UCP2: variants seen among roughly 807,000 people sequenced by gnomAD.
UCP2 encodes uncoupling protein 2.
Under a neutral mutation model 31.3 loss-of-function variants are expected in UCP2, and 27 were observed. That is an observed-to-expected ratio of 0.86 (90% confidence interval 0.64 to 1.19). The LOEUF (loss-of-function observed/expected upper bound fraction) is 1.19, where lower values mean the gene tolerates loss of function less well. UCP2 is among the 50% of genes most tolerant of loss of function. The probability of loss-of-function intolerance (pLI) is 0.00; values close to 1 mark genes in which losing one functional copy is unlikely to be tolerated. For missense variants in UCP2, 377 were observed against 413.5 expected (o/e 0.91, Z 0.76); for synonymous variants, 142 against 157.4 (o/e 0.90, Z 0.73).
intron 2 of UCP2, 61 bp from the exon 3 acceptor site, chr11:73,978,538 A>T (rs1951401123): frequency 9.5e-7 from 1 of 1,055,056 alleles, no homozygotes; most frequent in Non-Finnish European, 1.4e-6. Context: ...CCTGCTCACC[A>T]TCCCCAAACT....
chr11:73,974,758 G>A lies in UCP2; in HGVS notation c.*249C>T. On this transcript the variant is annotated 3_prime_UTR_variant, in exon 8 of 8. Transcript: ENST00000663595. ...AAGATTCTGGCTGAACTTTCCAAGG[G>A]ACGGGACGCTTGGGATCCTGGCTGG... 2 of 379,554 alleles carry A rather than the reference G, an allele frequency of 5.3e-6. No individual in the cohort carries two copies. Among genetic ancestry groups the A allele is most frequent in the South Asian group, 5.5e-5 (2 of 36,352 alleles). The allele number at this position is 379,554 out of a possible 1,614,324, so 23.5% of individuals were successfully genotyped here.
rs1480789794 is a variant in UCP2 at position 73,974,757 on chromosome 11, G to A, written c.*250C>T. 3.7e-6 allele frequency: 2 copies of A among 537,444 alleles called. No individual in the cohort carries two copies. Among genetic ancestry groups the A allele is most frequent in the Non-Finnish European group, 6.7e-6 (2 of 297,846 alleles). The allele number at this position is 537,444 out of a possible 1,614,324, so 33.3% of individuals were successfully genotyped here. A position where few individuals can be genotyped will look rare whatever the true frequency, so the allele number is the denominator to read the frequency against. The stretch of plus-strand genomic sequence containing the variant: ...GAAGATTCTGGCTGAACTTTCCAAG[G>A]GACGGGACGCTTGGGATCCTGGCTG... On this transcript the variant is annotated 3_prime_UTR_variant, in exon 8 of 8. Transcript: ENST00000663595.
chr11:73,976,890 T>G lies in UCP2; in HGVS notation c.465A>C (p.Arg155Ser). 6.2e-7 allele frequency: 1 copy of G among 1,614,146 alleles called. No homozygotes were observed. Among genetic ancestry groups the G allele is most frequent in the Non-Finnish European group, 8.5e-7 (1 of 1,179,994 alleles). Residue 155 changes from arginine (R) to serine (S), a missense_variant, in exon 5 of 8, where the codon AGA becomes AGC. Arg to Ser is a moderately radical substitution (Grantham distance 110). Coordinates refer to ENST00000663595, the MANE Select transcript of UCP2 (RefSeq NM_003355.3). ...QAQARAGGGR[R>S]YQSTVNAYKT... is the part of the protein sequence containing the mutation. ...TGTAGGCATTGACGGTGCTTTGGTATCTCCGACCACCTCCAGCCCGGGCCT... is the reference window on the plus strand; with the variant it reads ...TGTAGGCATTGACGGTGCTTTGGTAGCTCCGACCACCTCCAGCCCGGGCCT...
At position 73,981,516 on chromosome 11, in the gene UCP2, G is replaced by A. The variant is rs1357944392; in HGVS notation, c.-140C>T. On this transcript the variant is annotated 5_prime_UTR_variant, in exon 2 of 8. Transcript: ENST00000663595. ...CTCACGGTGAGGCCTCCAAGATCAAGCTTCTCTAAAGGTGTCCCGTTCTTC... is the reference window on the plus strand; with the variant it reads ...CTCACGGTGAGGCCTCCAAGATCAAACTTCTCTAAAGGTGTCCCGTTCTTC... The A allele has an allele frequency of 6.6e-6, 1 of 152,242 alleles. No individual in the cohort carries two copies. Among genetic ancestry groups the A allele is most frequent in the Non-Finnish European group, 1.5e-5 (1 of 68,062 alleles). 9.4% of individuals were successfully genotyped at this position (152,242 alleles called of 1,614,324 possible).
rs752912178 is a variant in UCP2 at position 73,976,740 on chromosome 11, T to C, written c.535A>G (p.Thr179Ala). The C allele has an allele frequency of 6.2e-6, 10 of 1,613,728 alleles. No homozygotes were observed. Among genetic ancestry groups the C allele is most frequent in the Non-Finnish European group, 7.6e-6 (9 of 1,179,948 alleles). ...EEGFRGLWKG[T>A]SPNVARNAIV... ...GCATTACGAGCAACATTGGGAGAGG[T>C]CCCTGTAGGAGGAGGAAGATCCTGG... The change falls in exon 6 of 8, where the codon ACC (threonine) becomes GCC (alanine). Residue 179 changes from threonine (T) to alanine (A), a missense_variant and splice_region_variant. Physicochemically the swap from Thr to Ala is moderately conservative, Grantham distance 58 (BLOSUM62 0). Coordinates refer to ENST00000663595, the MANE Select transcript of UCP2 (RefSeq NM_003355.3).
chr11:73,978,219 A>C, intron 3 of UCP2, 34 bp downstream of exon 3: 1 of 1,614,108 alleles, frequency 6.2e-7, no homozygotes, highest in Non-Finnish European at 8.5e-7. Context: ...AACAGAGTAG[A>C]CACCATCAAG....
rs367560065 is a variant in UCP2, at chr11:73,976,722, G to A, written c.553C>T (p.Arg185Cys). Residue 185 changes from arginine to cysteine, a missense_variant, in exon 6 of 8, where the codon CGT becomes TGT. Arg to Cys is a radical substitution (Grantham distance 180, BLOSUM62 -3). Transcript: ENST00000663595. ...TCAGCACAGTTGACAATGGCATTAC[G>A]AGCAACATTGGGAGAGGTCCCTGTA... ...LWKGTSPNVA[R>C]NAIVNCAELV... is the part of the protein sequence containing the mutation. 6 of 1,614,060 alleles carry A rather than the reference G, an allele frequency of 3.7e-6. No homozygotes were observed. Among genetic ancestry groups the A allele is most frequent in the South Asian group, 3.3e-5 (3 of 91,082 alleles).
In UCP2 at chr11:73,975,094, A is replaced by G. The variant is rs771113973; in HGVS notation, c.843T>C (p.Gly281=). The G allele has an allele frequency of 5.6e-6, 9 of 1,613,366 alleles. No homozygotes were observed. In the South Asian group the frequency reaches 9.9e-5, roughly 18 times the overall value. The change falls in exon 8 of 8, where the codon GGT becomes GGC. Residue 281 remains glycine (G), a synonymous_variant. Transcript: ENST00000663595. ...KGFMPSFLRL[G]SWNVVMFVTY... is the part of the protein sequence containing the mutation. ...TGACGAACATCACCACGTTCCAGGAACCCAAGCGGAGAAAGGAGGGCATGA... is the reference window on the plus strand; with the variant it reads ...TGACGAACATCACCACGTTCCAGGAGCCCAAGCGGAGAAAGGAGGGCATGA...
rs1019276574 is a variant in UCP2, at chr11:73,982,763, T to C, written c.-299A>G. The C allele has an allele frequency of 2.0e-5, 3 of 152,678 alleles. No homozygotes were observed. Among genetic ancestry groups the C allele is most frequent in the African/African-American group, 7.2e-5 (3 of 41,448 alleles). 9.5% of individuals were successfully genotyped at this position (152,678 alleles called of 1,614,324 possible). On this transcript the variant is annotated 5_prime_UTR_variant, in exon 1 of 8. Coordinates refer to ENST00000663595, the MANE Select transcript of UCP2 (RefSeq NM_003355.3). ...ACGGCAGTGCGTGCGGCTGTGTCTG[T>C]CGGCTGGCGGAGGGCGCGTCGGACG...
chr11:73,975,115 C>T lies in UCP2; in HGVS notation c.822G>A (p.Met274Ile), dbSNP rs1951320429. 2 of 1,611,896 alleles carry T rather than the reference C, an allele frequency of 1.2e-6. No homozygotes were observed. The highest frequency in any genetic ancestry group is 1.3e-5 in the African/African-American group (1 of 74,782). ...AGGAACCCAAGCGGAGAAAGGAGGG[C>T]ATGAACCTAGAGGAGAAAAATCACA... is the stretch of plus-strand genomic sequence containing the variant. ...EGPRAFYKGFMPSFLRLGSWN... is the reference protein window; with the variant it reads ...EGPRAFYKGFIPSFLRLGSWN... The change falls in exon 8 of 8, where the codon ATG (methionine) becomes ATA (isoleucine). Residue 274 changes from methionine to isoleucine, a missense_variant. Physicochemically the swap from Met to Ile is conservative, Grantham distance 10. Coordinates refer to ENST00000663595, the MANE Select transcript of UCP2 (RefSeq NM_003355.3).
At chr11:73,978,141 C>T (rs1393406393) in intron 3 of UCP2, 45 bp from the exon 4 acceptor site, 17 of 1,613,978 alleles carry the variant, frequency 1.1e-5, no homozygotes, top group Non-Finnish European at 1.4e-5. Context: ...GCATGTTGCC[C>T]TTCCCACCTC....
At chr11:73,975,344 G>C in intron 7 of UCP2, 147 bp downstream of exon 7, 1 of 1,040,994 alleles carries the variant, frequency 9.6e-7, no homozygotes, top group Non-Finnish European at 1.4e-6. Flanking sequence ...GGAATTAAGG[G>C]GATAGGTGAA....
chr11:73,982,457 C>A (rs986431079), intron 1 of UCP2, among the ~76,000 whole-genome samples: 1 of 152,114 alleles, frequency 6.6e-6, no homozygotes, highest in Non-Finnish European at 1.5e-5. Flanking sequence ...TGGTGGCGGG[C>A]GCCTGTAATC....
intron 6 of UCP2, 44 bp from the exon 7 acceptor site, chr11:73,975,715 C>G (rs1283870979): frequency 6.2e-7 from 1 of 1,610,294 alleles, no homozygotes; most frequent in Non-Finnish European, 8.5e-7. Context: ...CTTCACCCAT[C>G]ATTCCAGAAG....
At position 73,974,897 on chromosome 11, in the gene UCP2, GA is replaced by G; in HGVS notation, c.*109del. ...TAAAGGAGCGGAAGGAAGAGGTGGG[GA>G]AAGAGGGAAGGAGAGAAGGGAAGGA... is the stretch of plus-strand genomic sequence containing the variant. On this transcript the variant is annotated 3_prime_UTR_variant, in exon 8 of 8. Coordinates refer to ENST00000663595, the MANE Select transcript of UCP2 (RefSeq NM_003355.3). 1 of 940,772 alleles carries G rather than the reference GA, an allele frequency of 1.1e-6. No homozygotes were observed. The highest frequency in any genetic ancestry group is 2.0e-5 in the Admixed American group (1 of 50,098). The allele number at this position is 940,772 out of a possible 1,614,324, so 58.3% of individuals were successfully genotyped here. A position where few individuals can be genotyped will look rare whatever the true frequency, so the allele number is the denominator to read the frequency against.
upstream of UCP2, chr11:73,983,032 C>T (rs1951488038): frequency 6.6e-6 from 1 of 152,570 alleles, no homozygotes; most frequent in African/African-American, 2.4e-5. Flanking sequence ...CCGTGCGTCC[C>T]ATCACCGCGT....
chr11:73,979,554 G>A (rs2471904), intron 2 of UCP2, among the ~76,000 whole-genome samples: 9,288 of 151,904 alleles, frequency 0.061, 354 homozygotes, highest in African/African-American at 0.099. Context: ...TCAAAAAACA[G>A]ACAAACAAAC....
rs763526114 is a variant in UCP2 at position 73,976,714 on chromosome 11, G to A, written c.561C>T (p.Ala187=). ...KGTSPNVARN[A]IVNCAELVTY... ...TCACCAGCTCAGCACAGTTGACAAT[G>A]GCATTACGAGCAACATTGGGAGAGG... Residue 187 remains alanine (A), a synonymous_variant, in exon 6 of 8, where the codon GCC becomes GCT. Transcript: ENST00000663595. 6.2e-7 allele frequency: 1 copy of A among 1,614,146 alleles called. No individual in the cohort carries two copies. Among genetic ancestry groups the A allele is most frequent in the Non-Finnish European group, 8.5e-7 (1 of 1,180,032 alleles).
rs1309597115 is a variant in UCP2 at position 73,974,700 on chromosome 11, A to G, written c.*307T>C. On this transcript the variant is annotated 3_prime_UTR_variant, in exon 8 of 8. Coordinates refer to ENST00000663595, the MANE Select transcript of UCP2 (RefSeq NM_003355.3). ...GGTTGAGCTTGCTTTATGGATGACA[A>G]GTGGGCTAGGCTGGGCTGTCGGGGG... is the stretch of plus-strand genomic sequence containing the variant. The G allele has an allele frequency of 2.4e-6, 1 of 411,882 alleles. No individual in the cohort carries two copies. Among genetic ancestry groups the G allele is most frequent in the Non-Finnish European group, 4.6e-6 (1 of 218,314 alleles). The allele number at this position is 411,882 out of a possible 1,614,324, so 25.5% of individuals were successfully genotyped here. A position where few individuals can be genotyped will look rare whatever the true frequency, so the allele number is the denominator to read the frequency against.
Sources: gnomAD v4.1 joint callset for allele counts (sites outside exome capture counted in the v4.1 genomes callset) on GRCh38, gnomAD v4.1.1 for gene constraint, MANE v1.5 for transcripts, NCBI Gene and HGNC (gene_info 2026-07-23, HGNC 2026-07-21) for gene names.